The following SOBP variants were observed in gnomAD, a reference collection of about 807,000 sequenced individuals.
SOBP encodes sine oculis binding protein homolog, also known as sine oculis-binding protein homolog.
A neutral mutation model predicts 53.6 loss-of-function variants in SOBP; 4 were observed. The ratio of observed to expected loss-of-function variants is 0.07; its 90% CI spans 0.04 to 0.17. The LOEUF (loss-of-function observed/expected upper bound fraction) is 0.17, where lower values mean the gene tolerates loss of function less well. SOBP is among the 10% of genes least tolerant of loss of function. The pLI is 1.00. For synonymous variants in SOBP, 584 were observed against 522.6 expected (o/e 1.12, Z -1.60); for missense variants, 1,088 against 1,204.7 (o/e 0.90, Z 1.43).
At chr6:107,497,545 G>A (rs988910527) in intron 1 of SOBP, among the ~76,000 whole-genome samples, 1 of 151,782 alleles carries the variant, frequency 6.6e-6, no homozygotes, top group African/African-American at 2.4e-5. Context: ...CCACCCAGAC[G>A]CAATTACTGT....
At chr6:107,627,372 G>C (rs1770506158) in intron 5 of SOBP, among the ~76,000 whole-genome samples, 1 of 152,176 alleles carries the variant, frequency 6.6e-6, no homozygotes, top group Non-Finnish European at 1.5e-5. Flanking sequence ...GCCCATCTCT[G>C]CTCTGCCTTA....
chr6:107,596,947 A>G (rs1785968062), intron 5 of SOBP, among the ~76,000 whole-genome samples: 1 of 152,178 alleles, frequency 6.6e-6, no homozygotes, highest in South Asian at 2.1e-4. Flanking sequence ...AGTATATCAA[A>G]TTGCATAGAA....
chr6:107,619,511 G>T (rs1172210072), intron 5 of SOBP, among the ~76,000 whole-genome samples: 1 of 152,092 alleles, frequency 6.6e-6, no homozygotes, highest in African/African-American at 2.4e-5. Flanking sequence ...CTTTTTGGGG[G>T]ACAGAGCATT....
chr6:107,527,549 G>A (rs980276829), intron 3 of SOBP, among the ~76,000 whole-genome samples: 7 of 152,146 alleles, frequency 4.6e-5, no homozygotes, highest in African/African-American at 9.7e-5. Flanking sequence ...ATTGCCACTC[G>A]TTCTAAGGAA....
chr6:107,524,338 A>G (rs933875388), intron 3 of SOBP, among the ~76,000 whole-genome samples: 3 of 152,216 alleles, frequency 2.0e-5, no homozygotes, highest in Non-Finnish European at 4.4e-5. Context: ...GAAGTCTAGC[A>G]GACAGCAAAT....
At chr6:107,593,415 T>C (rs556595427) in intron 5 of SOBP, among the ~76,000 whole-genome samples, 2 of 152,226 alleles carry the variant, frequency 1.3e-5, no homozygotes, top group East Asian at 3.9e-4. Context: ...AATGGTTTGG[T>C]TTTCATGCTG....
intron 3 of SOBP, chr6:107,514,790 G>A (rs1394414016): frequency 6.6e-6 from 1 of 152,134 alleles, no homozygotes; most frequent in Admixed American, 6.5e-5. Context: ...TGACTTGTAT[G>A]GTTAGTTGCT....
intron 5 of SOBP, among the ~76,000 whole-genome samples, chr6:107,600,119 T>G (rs920210076): frequency 6.6e-6 from 1 of 152,246 alleles, no homozygotes; most frequent in Non-Finnish European, 1.5e-5. Flanking sequence ...CTGGCTTTTT[T>G]CTTTCTGAGC....
At chr6:107,563,932 C>G (rs1000259441) in intron 4 of SOBP, among the ~76,000 whole-genome samples, 2 of 152,160 alleles carry the variant, frequency 1.3e-5, no homozygotes, top group Non-Finnish European at 2.9e-5. Flanking sequence ...GGTAGGGTTG[C>G]GGAGCCTCTC....
Position 107,555,596 on chromosome 6 carries a change from GCTCT to G in SOBP, c.573+21988_573+21991del, listed in dbSNP as rs1384552882. On this transcript the variant is annotated intron_variant, in intron 4 of 6. Coordinates refer to ENST00000317357, the MANE Select transcript of SOBP (RefSeq NM_018013.4). ...GGCACCTTCCAAGCGCAGCTGCACA[GCTCT>G]CCAAGGCACTGCGCCCTACGTGCAG... Among the ~76,000 whole-genome samples the G allele has an allele frequency of 2.6e-5, 4 of 152,352 alleles. No individual in the cohort carries two copies. In the East Asian group the frequency reaches 7.7e-4, roughly 29 times the overall value.
At chr6:107,588,092 C>T (rs1033929028) in intron 5 of SOBP, among the ~76,000 whole-genome samples, 6 of 152,194 alleles carry the variant, frequency 3.9e-5, no homozygotes, top group African/African-American at 7.2e-5. Context: ...AATGAGGATG[C>T]TCAGTTGTTA....
intron 5 of SOBP, among the ~76,000 whole-genome samples, chr6:107,624,946 C>G (rs1045251626): frequency 1.3e-5 from 2 of 152,172 alleles, no homozygotes; most frequent in Non-Finnish European, 2.9e-5. Context: ...GTGCAAAAAA[C>G]CCTTGAGATA....
rs79027797 is a variant in SOBP, at chr6:107,626,050, G to A, written c.670-7464G>A. Reference sequence around the variant, plus strand: ...ATTAGAAAGCAGGAAGAAAAACAGTGACACAAAAAGAGAGCCAAATATATA... The same window carrying A: ...ATTAGAAAGCAGGAAGAAAAACAGTAACACAAAAAGAGAGCCAAATATATA... On this transcript the variant is annotated intron_variant, in intron 5 of 6. Coordinates refer to ENST00000317357, the MANE Select transcript of SOBP (RefSeq NM_018013.4). Among the ~76,000 whole-genome samples the A allele has an allele frequency of 6.0e-3, 908 of 152,072 alleles. 7 individuals carry two copies. Among genetic ancestry groups the A allele is most frequent in the South Asian group, 0.019 (91 of 4,818 alleles).
chr6:107,500,583 G>A (rs898982778), intron 1 of SOBP, among the ~76,000 whole-genome samples: 30 of 151,328 alleles, frequency 2.0e-4, no homozygotes, highest in African/African-American at 6.3e-4. Context: ...GTGCAGTGGC[G>A]CGATCTCGGC....
intron 4 of SOBP, among the ~76,000 whole-genome samples, chr6:107,550,826 T>C (rs940762779): frequency 6.6e-6 from 1 of 152,236 alleles, no homozygotes; most frequent in African/African-American, 2.4e-5. Context: ...TCCCATGTTG[T>C]GCTTTAACAT....
chr6:107,646,257 T>C (rs1040890941), intron 6 of SOBP, among the ~76,000 whole-genome samples: 6 of 152,232 alleles, frequency 3.9e-5, no homozygotes, highest in Non-Finnish European at 7.3e-5. Flanking sequence ...CTCTGGACAG[T>C]GAGAAGAACT....
chr6:107,613,558 TAGTA>T (rs1448596503), intron 5 of SOBP, among the ~76,000 whole-genome samples: 1 of 152,184 alleles, frequency 6.6e-6, no homozygotes, highest in Non-Finnish European at 1.5e-5. Flanking sequence ...ATTATAGAAG[TAGTA>T]AGTGAGAGGA....
intron 4 of SOBP, among the ~76,000 whole-genome samples, chr6:107,544,000 A>G (rs1784225052): frequency 1.3e-5 from 2 of 152,246 alleles, no homozygotes; most frequent in Admixed American, 6.5e-5. Context: ...CAGTGGTGCC[A>G]TTACAGCAGC....
intron 4 of SOBP, among the ~76,000 whole-genome samples, chr6:107,586,091 T>A (rs1298532343): frequency 6.6e-6 from 1 of 152,234 alleles, no homozygotes; most frequent in Admixed American, 6.5e-5. Flanking sequence ...TCTCTCCTTT[T>A]TCCTACTTCA....
Sources: gnomAD v4.1 joint callset for allele counts (sites outside exome capture counted in the v4.1 genomes callset) on GRCh38, gnomAD v4.1.1 for gene constraint, MANE v1.5 for transcripts, NCBI Gene and HGNC (gene_info 2026-07-23, HGNC 2026-07-21) for gene names.